The following KIF6 variants were observed in gnomAD, a reference collection of about 807,000 sequenced individuals.
The protein encoded by KIF6 is kinesin family member 6, also known as kinesin-like protein KIF6.
Under a neutral mutation model 112.7 loss-of-function variants are expected in KIF6, and 106 were observed. That is an observed-to-expected ratio of 0.94 (90% CI 0.80 to 1.11). The LOEUF (loss-of-function observed/expected upper bound fraction) is 1.11. Among genes scored for constraint, KIF6 ranks in the 50% least tolerant of loss-of-function variants. The pLI, the probability that KIF6 is intolerant of heterozygous loss-of-function variation, is 0.00. For missense variants in KIF6, 929 were observed against 964.0 expected, an observed-to-expected ratio of 0.96 and a Z score of 0.48; for synonymous variants, 339 against 339.9, an observed-to-expected ratio of 1.00 and a Z score of 0.03.
At position 39,588,494 on chromosome 6, in the gene KIF6, G is replaced by A. The variant is rs544317767; in HGVS notation, c.847-2090C>T. Among the ~76,000 whole-genome samples the A allele has an allele frequency of 6.0e-4, 92 of 152,142 alleles. 5 individuals are homozygous for A. Among genetic ancestry groups the A allele is most frequent in the Non-Finnish European group, 2.2e-4 (15 of 68,022 alleles). ...CTCCCAAAGTGCTAGGATTACAGGT[G>A]TGAGCCACTGTGCCCAGCCATTGCC... On this transcript the variant is annotated intron_variant, in intron 7 of 22. Coordinates refer to ENST00000287152, the MANE Select transcript of KIF6 (RefSeq NM_145027.6).
chr6:39,527,485 C>A (rs1343369552), intron 13 of KIF6, among the ~76,000 whole-genome samples: 3 of 152,132 alleles, frequency 2.0e-5, no homozygotes, highest in Non-Finnish European at 4.4e-5. Context: ...CACCATAGCC[C>A]CTTCTGCTTT....
At chr6:39,472,964 G>A (rs1030934302) in intron 13 of KIF6, among the ~76,000 whole-genome samples, 1 of 151,238 alleles carries the variant, frequency 6.6e-6, no homozygotes, top group African/African-American at 2.4e-5. Flanking sequence ...TCAGCTCACC[G>A]CAACCTCTGC....
intron 15 of KIF6, among the ~76,000 whole-genome samples, chr6:39,395,184 T>C (rs1237227865): frequency 6.6e-6 from 1 of 152,236 alleles, no homozygotes; most frequent in Non-Finnish European, 1.5e-5. Flanking sequence ...ATCAAAATAA[T>C]CACACAAGAT....
intron 13 of KIF6, among the ~76,000 whole-genome samples, chr6:39,442,523 G>A (rs1233558952): frequency 6.6e-6 from 1 of 152,328 alleles, no homozygotes; most frequent in East Asian, 1.9e-4. Context: ...CTGGGTCATG[G>A]TGGCATTTCT....
At position 39,621,234 on chromosome 6, in the gene KIF6, T is replaced by TACACACACAC. The variant is rs1477311569; in HGVS notation, c.510-7917_510-7916insGTGTGTGTGT. 5.0e-3 allele frequency among the ~76,000 whole-genome samples: 350 copies of TACACACACAC among 70,412 alleles called. 4 individuals are homozygous for TACACACACAC. Among genetic ancestry groups the TACACACACAC allele is most frequent in the African/African-American group, 0.02 (318 of 15,746 alleles). 46.2% of individuals were successfully genotyped at this position (70,412 alleles called of 152,430 possible). A position where few individuals can be genotyped will look rare whatever the true frequency, so the allele number is the denominator to read the frequency against. ...ACACACACACACACACACACACACG[T>TACACACACAC]ACACATATATCTTTAACTGTATCAA... On this transcript the variant is annotated intron_variant, in intron 5 of 22. Coordinates refer to ENST00000287152, the MANE Select transcript of KIF6 (RefSeq NM_145027.6).
At chr6:39,713,965 G>C (rs1340851658) in intron 3 of KIF6, among the ~76,000 whole-genome samples, 1 of 152,202 alleles carries the variant, frequency 6.6e-6, no homozygotes, top group Non-Finnish European at 1.5e-5. Flanking sequence ...TAACTGTAAA[G>C]ATGAATGTGT....
At chr6:39,696,645 A>G (rs560729518) in intron 3 of KIF6, among the ~76,000 whole-genome samples, 1 of 151,758 alleles carries the variant, frequency 6.6e-6, no homozygotes, top group East Asian at 1.9e-4. Context: ...TGTACAGTAT[A>G]TAATATATAA....
At chr6:39,360,090 G>A (rs1765009426) in intron 18 of KIF6, among the ~76,000 whole-genome samples, 2 of 152,146 alleles carry the variant, frequency 1.3e-5, no homozygotes, top group African/African-American at 2.4e-5. Flanking sequence ...AACAATAAAT[G>A]TCAGTAGGAA....
At chr6:39,420,673 A>G (rs1341045749) in intron 14 of KIF6, among the ~76,000 whole-genome samples, 2 of 152,214 alleles carry the variant, frequency 1.3e-5, no homozygotes. Flanking sequence ...AAAACAAGAA[A>G]AAAATTCTCA....
intron 3 of KIF6, among the ~76,000 whole-genome samples, chr6:39,673,940 G>C (rs912450499): frequency 6.6e-5 from 10 of 152,044 alleles, no homozygotes; most frequent in Non-Finnish European, 1.3e-4. Context: ...GAAAGACTTG[G>C]ACAGGAAAGT....
chr6:39,495,721 C>T (rs893654880), intron 13 of KIF6, among the ~76,000 whole-genome samples: 12 of 152,174 alleles, frequency 7.9e-5, no homozygotes, highest in South Asian at 2.1e-4. Flanking sequence ...GACTTTTTTA[C>T]GGGGAGGATG....
Position 39,705,143 on chromosome 6 carries a change from C to T in KIF6, c.251+9549G>A, listed in dbSNP as rs1789123647. 1.3e-5 allele frequency among the ~76,000 whole-genome samples: 2 copies of T among 152,206 alleles called. 1 individual carries two copies. Among genetic ancestry groups the T allele is most frequent in the Non-Finnish European group, 2.9e-5 (2 of 68,038 alleles). On this transcript the variant is annotated intron_variant, in intron 3 of 22. Transcript: ENST00000287152. ...TGTCCCTATCTGCATCACCCCACAG[C>T]CTAGCTGTAGGCCTAGGTGAGTGAA...
intron 13 of KIF6, among the ~76,000 whole-genome samples, chr6:39,432,114 T>C (rs919531586): frequency 6.6e-6 from 1 of 152,222 alleles, no homozygotes; most frequent in Non-Finnish European, 1.5e-5. Flanking sequence ...ACCTATAATA[T>C]GCACAGCCCA....
chr6:39,606,159 T>C (rs1289869460), intron 6 of KIF6, among the ~76,000 whole-genome samples: 2 of 151,916 alleles, frequency 1.3e-5, no homozygotes, highest in African/African-American at 4.8e-5. Flanking sequence ...TCTCTTCCTC[T>C]TCTTCTTCTT....
At chr6:39,695,622 T>C (rs1054409458) in intron 3 of KIF6, among the ~76,000 whole-genome samples, 13 of 152,306 alleles carry the variant, frequency 8.5e-5, no homozygotes, top group African/African-American at 3.1e-4. Flanking sequence ...CCAGTCAGAA[T>C]TGCTATTATT....
chr6:39,480,405 C>A (rs1256821598), intron 13 of KIF6, among the ~76,000 whole-genome samples: 3 of 152,142 alleles, frequency 2.0e-5, no homozygotes, highest in African/African-American at 7.2e-5. Context: ...ATGAAACCCA[C>A]TTGATCATGG....
At chr6:39,491,591 C>T (rs980523289) in intron 13 of KIF6, among the ~76,000 whole-genome samples, 1 of 152,094 alleles carries the variant, frequency 6.6e-6, no homozygotes, top group Non-Finnish European at 1.5e-5. Context: ...TTACCATAAA[C>T]AAAAATCTGT....
At chr6:39,584,367 A>G (rs1020491738) in intron 9 of KIF6, among the ~76,000 whole-genome samples, 21 of 135,628 alleles carry the variant, frequency 1.5e-4, no homozygotes, top group African/African-American at 4.9e-4. Flanking sequence ...GCAGTGAGCC[A>G]AGATTGCACC....
intron 16 of KIF6, among the ~76,000 whole-genome samples, chr6:39,373,390 C>T (rs1766182411): frequency 6.6e-6 from 1 of 152,142 alleles, no homozygotes; most frequent in Non-Finnish European, 1.5e-5. Context: ...CTGCTGGTGG[C>T]CCAGAGCCAT....
Sources: gnomAD v4.1 joint callset for allele counts (sites outside exome capture counted in the v4.1 genomes callset) on GRCh38, gnomAD v4.1.1 for gene constraint, MANE v1.5 for transcripts, NCBI Gene and HGNC (gene_info 2026-07-23, HGNC 2026-07-21) for gene names.